Variants in PRPF3 observed in about 807,000 individuals in gnomAD.
The protein encoded by PRPF3 is U4/U6 small nuclear ribonucleoprotein Prp3.
Under a neutral mutation model 89.2 loss-of-function variants are expected in PRPF3, and 3 were observed. The ratio of observed to expected loss-of-function variants is 0.03; its 90% CI spans 0.02 to 0.09. The LOEUF (loss-of-function observed/expected upper bound fraction) is 0.09, where lower values mean the gene tolerates loss of function less well. PRPF3 is among the 10% of genes least tolerant of loss of function. The pLI is 1.00. For missense variants in PRPF3, 463 were observed against 828.8 expected (o/e 0.56, Z 5.42); for synonymous variants, 270 against 289.1 (o/e 0.93, Z 0.67).
chr1:150,332,022 A>C (rs1656460222), intron 4 of PRPF3, among the ~76,000 whole-genome samples: 1 of 152,072 alleles, frequency 6.6e-6, no homozygotes, highest in African/African-American at 2.4e-5. Flanking sequence ...CAGGAGATCG[A>C]GACCATCCTG....
chr1:150,337,684 A>C (rs6700009), intron 7 of PRPF3, among the ~76,000 whole-genome samples: 7,091 of 151,124 alleles, frequency 0.047, 423 homozygotes, highest in African/African-American at 0.13. Flanking sequence ...AGGCTGAGTC[A>C]GGAGAATGGC....
At chr1:150,348,901 T>A (rs1658606458) in intron 14 of PRPF3, 1 of 478,320 alleles carries the variant, frequency 2.1e-6, no homozygotes, top group Non-Finnish European at 3.8e-6. Flanking sequence ...TGTCTTTTAT[T>A]TCCTTATTCC....
At chr1:150,328,489 C>G (rs200909078) in intron 4 of PRPF3, 23 bp downstream of exon 4, 194 of 1,591,810 alleles carry the variant, frequency 1.2e-4, no homozygotes, top group Non-Finnish European at 1.5e-4. Context: ...GGACTGGAAG[C>G]AAAGTGGTTT....
chr1:150,337,174 G>GT (rs1657105866), intron 7 of PRPF3, among the ~76,000 whole-genome samples: 1 of 151,566 alleles, frequency 6.6e-6, no homozygotes, highest in Admixed American at 6.6e-5. Context: ...GAGTAGCTGG[G>GT]ACTATAGGCG....
intron 14 of PRPF3, chr1:150,348,884 G>C (rs1343120710): frequency 4.5e-6 from 2 of 442,824 alleles, no homozygotes; most frequent in Admixed American, 7.3e-5. Context: ...TTTTATTCTT[G>C]ACTGCTTGTC....
At chr1:150,351,550 G>C (rs782261627) in intron 15 of PRPF3, among the ~76,000 whole-genome samples, 7 of 151,186 alleles carry the variant, frequency 4.6e-5, no homozygotes, top group Non-Finnish European at 7.4e-5. Context: ...GCTCAGGCTG[G>C]TGTGCAGTGG....
In PRPF3 at chr1:150,321,662, A is replaced by C. The variant is rs975261314; in HGVS notation, c.-49+70A>C. The C allele has an allele frequency of 3.3e-5, 5 of 150,420 alleles. 1 individual carries two copies. Among genetic ancestry groups the C allele is most frequent in the Admixed American group, 6.7e-5 (1 of 14,932 alleles). 9.3% of individuals were successfully genotyped at this position (150,420 alleles called of 1,614,324 possible). On this transcript the variant is annotated intron_variant, in intron 1 of 15. Coordinates refer to ENST00000324862, the MANE Select transcript of PRPF3 (RefSeq NM_004698.4). ...CCACTGTGGCCGGGGACTCAGTCCAAGGGGAGGACCGAAGCGGGAGGGTTC... is the reference window on the plus strand; with the variant it reads ...CCACTGTGGCCGGGGACTCAGTCCACGGGGAGGACCGAAGCGGGAGGGTTC...
rs1659093313 is a variant in PRPF3 at position 150,352,941 on chromosome 1, C to T, written c.2014C>T (p.Leu672Phe). The change falls in exon 16 of 16, where the codon CTT (leucine) becomes TTT (phenylalanine). Residue 672 changes from leucine (L) to phenylalanine (F), a missense_variant. Leu to Phe is a conservative substitution (Grantham distance 22). This residue lies in a region of PRPF3 where 78 missense variants were observed against 96.6 expected (regional missense o/e 0.81). Coordinates refer to ENST00000324862, the MANE Select transcript of PRPF3 (RefSeq NM_004698.4). ...KKHGAEHYWD[L>F]ALSESVLEST... is the part of the protein sequence containing the mutation. ...GCATGGGGCTGAACACTACTGGGAC[C>T]TTGCGCTGAGTGAATCTGTGTTAGA... 3 of 1,614,104 alleles carry T rather than the reference C, an allele frequency of 1.9e-6. No homozygotes were observed. Among genetic ancestry groups the T allele is most frequent in the Non-Finnish European group, 2.5e-6 (3 of 1,179,996 alleles).
intron 3 of PRPF3, chr1:150,327,511 A>C: frequency 1.1e-6 from 1 of 950,224 alleles, no homozygotes; most frequent in East Asian, 1.2e-4. Context: ...TCAGGTCCCC[A>C]CCCCACACAA....
At chr1:150,348,214 A>T (rs1658491072) in intron 14 of PRPF3, among the ~76,000 whole-genome samples, 1 of 151,680 alleles carries the variant, frequency 6.6e-6, no homozygotes, top group African/African-American at 2.4e-5. Context: ...CCCCGTCTCT[A>T]CTAAAAAATA....
Position 150,324,323 on chromosome 1 carries a change from G to T in PRPF3, c.-48-572G>T, listed in dbSNP as rs1655454745. 1.3e-5 allele frequency among the ~76,000 whole-genome samples: 2 copies of T among 152,136 alleles called. 1 individual carries two copies. Among genetic ancestry groups the T allele is most frequent in the Admixed American group, 1.3e-4 (2 of 15,254 alleles). On this transcript the variant is annotated intron_variant, in intron 1 of 15. Transcript: ENST00000324862. ...TATGACAGGATCAAGAAAGAAGCTA[G>T]AACTAATTTCTCAGACTTAGCTTAT...
In PRPF3 at chr1:150,332,784, A is replaced by G. The variant is rs189037714; in HGVS notation, c.507+17A>G. Reference sequence around the variant, plus strand: ...ACACCTCAGGTATTGTGTCTAGATTACTCTGAACAGAATAATCTTTGGCAC... The same window carrying G: ...ACACCTCAGGTATTGTGTCTAGATTGCTCTGAACAGAATAATCTTTGGCAC... On this transcript the variant is annotated intron_variant, in intron 5 of 15. Transcript: ENST00000324862. 1 of 1,611,898 alleles carries G rather than the reference A, an allele frequency of 6.2e-7. No homozygotes were observed. Among genetic ancestry groups the G allele is most frequent in the East Asian group, 2.2e-5 (1 of 44,870 alleles).
chr1:150,343,321 C>T lies in PRPF3; in HGVS notation c.1295C>T (p.Thr432Ile), dbSNP rs1657978269. 2.1e-6 allele frequency: 3 copies of T among 1,441,066 alleles called. No individual in the cohort carries two copies. The highest frequency in any genetic ancestry group is 2.9e-6 in the Non-Finnish European group (3 of 1,035,826). 89.3% of individuals were successfully genotyped at this position (1,441,066 alleles called of 1,614,324 possible). The change falls in exon 10 of 16, where the codon ACA becomes ATA. Residue 432 changes from threonine (T) to isoleucine (I), a missense_variant. Coordinates refer to ENST00000324862, the MANE Select transcript of PRPF3 (RefSeq NM_004698.4). The stretch of plus-strand genomic sequence containing the variant: ...CTCTGCCTGACAGTTGACAATGACA[C>T]ACCAGTTACTCTGGGAGTATATCTT... ...AQLNPPVDND[T>I]PVTLGVYLTK...
Position 150,353,150 on chromosome 1 carries a change from C to T in PRPF3, c.*171C>T, listed in dbSNP as rs1484162192. 1 of 757,346 alleles carries T rather than the reference C, an allele frequency of 1.3e-6. No homozygotes were observed. The highest frequency in any genetic ancestry group is 1.6e-5 in the South Asian group (1 of 63,922). The allele number at this position is 757,346 out of a possible 1,614,324, so 46.9% of individuals were successfully genotyped here. A position where few individuals can be genotyped will look rare whatever the true frequency, so the allele number is the denominator to read the frequency against. Reference sequence around the variant, plus strand: ...CCCCTCCTGAGTCAGCCTGGTGTTGCCCTTTATTCCCCTTATGTGCATATG... The same window carrying T: ...CCCCTCCTGAGTCAGCCTGGTGTTGTCCTTTATTCCCCTTATGTGCATATG... On this transcript the variant is annotated 3_prime_UTR_variant, in exon 16 of 16. Coordinates refer to ENST00000324862, the MANE Select transcript of PRPF3 (RefSeq NM_004698.4).
At chr1:150,343,598 C>G in intron 10 of PRPF3, 146 bp downstream of exon 10, 1 of 1,141,144 alleles carries the variant, frequency 8.8e-7, no homozygotes, top group Non-Finnish European at 1.3e-6. Context: ...TTTCTACCAT[C>G]TTTTCATATT....
chr1:150,325,086 C>A lies in PRPF3; in HGVS notation c.144C>A (p.Ala48=). 1.2e-6 allele frequency: 2 copies of A among 1,613,086 alleles called. No individual in the cohort carries two copies. The highest frequency in any genetic ancestry group is 1.1e-5 in the South Asian group (1 of 91,044). The part of the protein sequence containing the change: ...VGKGMDKKKA[A]DHLKPFLDDS... ...AGGGCATGGACAAGAAGAAGGCAGC[C>A]GGTATGTACCTTTCTGCATCTTTTA... Residue 48 remains alanine (A), a splice_region_variant and synonymous_variant, in exon 2 of 16, where the codon GCC becomes GCA. Transcript: ENST00000324862.
chr1:150,327,377 C>T (rs587748535), intron 3 of PRPF3, among the ~76,000 whole-genome samples: 1 of 152,220 alleles, frequency 6.6e-6, no homozygotes, highest in East Asian at 1.9e-4. Context: ...GTAGGGCATA[C>T]TTCTGTATGA....
At chr1:150,340,342 C>G (rs377714914) in intron 8 of PRPF3, 56 bp from the exon 9 acceptor site, 230 of 1,300,306 alleles carry the variant, frequency 1.8e-4, no homozygotes, top group Admixed American at 2.5e-4. Context: ...TGAGACTCCT[C>G]TCTTAGAATC....
At chr1:150,343,523 A>G in intron 10 of PRPF3, 71 bp downstream of exon 10, 1 of 1,565,502 alleles carries the variant, frequency 6.4e-7, no homozygotes, top group Non-Finnish European at 8.8e-7. Context: ...GAGGAACTTT[A>G]ACATCTCTGT....
Sources: gnomAD v4.1 joint callset for allele counts (sites outside exome capture counted in the v4.1 genomes callset) on GRCh38, gnomAD v4.1.1 for gene constraint, gnomAD v4.1.1 regional missense constraint, MANE v1.5 for transcripts, NCBI Gene and HGNC (gene_info 2026-07-23, HGNC 2026-07-21) for gene names.